ITCH: variants seen among roughly 807,000 people sequenced by gnomAD.
ITCH encodes E3 ubiquitin-protein ligase Itchy homolog.
ITCH carries 28 observed loss-of-function variants against 126.8 expected under a neutral mutation model. That is an observed-to-expected ratio of 0.22 (90% confidence interval 0.16 to 0.30). ITCH has a LOEUF of 0.30. Ranked by LOEUF, ITCH falls within the 10% of genes least tolerant of loss-of-function variation. The pLI is 1.00. For missense variants in ITCH, 631 were observed against 1,032.4 expected (o/e 0.61, Z 5.33); for synonymous variants, 342 against 340.0 (o/e 1.01, Z -0.06).
intron 23 of ITCH, among the ~76,000 whole-genome samples, chr20:34,498,577 A>G (rs781689443): frequency 7.9e-5 from 12 of 152,190 alleles, no homozygotes; most frequent in Middle Eastern, 3.2e-3. Context: ...TTCTGCATCT[A>G]TTGAGAAGAT....
At chr20:34,386,757 G>C (rs554092388) in intron 2 of ITCH, among the ~76,000 whole-genome samples, 1 of 152,234 alleles carries the variant, frequency 6.6e-6, no homozygotes, top group South Asian at 2.1e-4. Flanking sequence ...ACAATATCCT[G>C]TTTAATAATT....
intron 4 of ITCH, among the ~76,000 whole-genome samples, chr20:34,409,360 T>G (rs1464494793): frequency 2.0e-5 from 3 of 151,794 alleles, no homozygotes; most frequent in African/African-American, 7.3e-5. Flanking sequence ...GCCTGGCCAG[T>G]TTTTTAGTAT....
chr20:34,496,587 C>T (rs1226831127), intron 23 of ITCH, among the ~76,000 whole-genome samples: 1 of 152,020 alleles, frequency 6.6e-6, no homozygotes, highest in African/African-American at 2.4e-5. Context: ...GGGTGGATCA[C>T]CTGAGGTCGG....
At chr20:34,409,919 CTT>C (rs886811704) in intron 4 of ITCH, among the ~76,000 whole-genome samples, 4 of 151,910 alleles carry the variant, frequency 2.6e-5, no homozygotes, top group African/African-American at 9.7e-5. Context: ...AATCTCAACT[CTT>C]TGGGAGACTG....
chr20:34,446,576 C>T (rs775828691), intron 11 of ITCH, among the ~76,000 whole-genome samples: 36 of 152,148 alleles, frequency 2.4e-4, no homozygotes, highest in Non-Finnish European at 5.0e-4. Flanking sequence ...TTTCCCCTCC[C>T]AGTGGTTTTA....
Position 34,445,272 on chromosome 20 carries a change from T to TC in ITCH, c.966-15_966-14insC, listed in dbSNP as rs1337714712. ...GTTGAATTAGCTTGTTTTTTTTTTT[T>TC]TTTTTCTGATTTAGCTGGGAACGGC... On this transcript the variant is annotated splice_polypyrimidine_tract_variant and intron_variant, in intron 10 of 24. Coordinates refer to ENST00000374864, the MANE Select transcript of ITCH (RefSeq NM_031483.7). 2.5e-6 allele frequency: 4 copies of TC among 1,597,360 alleles called. No individual in the cohort carries two copies. In the African/African-American group the frequency reaches 4.1e-5, roughly 16 times the overall value.
intron 14 of ITCH, among the ~76,000 whole-genome samples, chr20:34,468,438 A>G (rs1047510489): frequency 1.3e-5 from 2 of 152,144 alleles, no homozygotes; most frequent in Non-Finnish European, 2.9e-5. Context: ...AAGGATATCT[A>G]CTGTCATTAC....
chr20:34,493,203 GAGAAGTTAAGATCCCAA>G (rs944495223), intron 23 of ITCH, among the ~76,000 whole-genome samples: 1 of 152,200 alleles, frequency 6.6e-6, no homozygotes, highest in African/African-American at 2.4e-5. Flanking sequence ...AGGATACACA[GAGAAGTTAAGATCCCAA>G]AGCCTGCTTC....
intron 16 of ITCH, among the ~76,000 whole-genome samples, chr20:34,472,515 TAAAATG>T (rs751438538): frequency 4.4e-4 from 67 of 152,160 alleles, no homozygotes; most frequent in Non-Finnish European, 9.0e-4. Flanking sequence ...AAAAATGTCT[TAAAATG>T]AAAACATCTG....
At chr20:34,507,278 T>TG (rs1990685593) in intron 24 of ITCH, among the ~76,000 whole-genome samples, 1 of 88,586 alleles carries the variant, frequency 1.1e-5, no homozygotes, top group Non-Finnish European at 2.6e-5. Flanking sequence ...TTTTTTTTTT[T>TG]TTTTTTTTTT....
At chr20:34,464,039 A>G (rs1371571890) in intron 14 of ITCH, among the ~76,000 whole-genome samples, 1 of 151,960 alleles carries the variant, frequency 6.6e-6, no homozygotes, top group Non-Finnish European at 1.5e-5. Context: ...CAGTGGCACA[A>G]TCTCGGCTCA....
intron 10 of ITCH, among the ~76,000 whole-genome samples, chr20:34,444,245 A>G (rs1200958255): frequency 6.6e-6 from 1 of 152,174 alleles, no homozygotes; most frequent in Non-Finnish European, 1.5e-5. Flanking sequence ...TTTATTTAGA[A>G]CATTTGTATC....
intron 10 of ITCH, among the ~76,000 whole-genome samples, chr20:34,444,908 C>T (rs1283891964): frequency 1.3e-5 from 2 of 152,184 alleles, no homozygotes; most frequent in African/African-American, 4.8e-5. Flanking sequence ...TCCCAAAGTG[C>T]TAGGATCACA....
chr20:34,489,188 T>G, intron 20 of ITCH, 78 bp from the exon 21 acceptor site: 1 of 1,285,812 alleles, frequency 7.8e-7, no homozygotes, highest in Non-Finnish European at 1.1e-6. Flanking sequence ...TTATAATTTT[T>G]TAAAATTTAT....
At chr20:34,474,563 C>G (rs1016989138) in intron 16 of ITCH, among the ~76,000 whole-genome samples, 4 of 152,260 alleles carry the variant, frequency 2.6e-5, no homozygotes, top group Admixed American at 2.6e-4. Flanking sequence ...ATGTATACTT[C>G]TTTCTGCACA....
chr20:34,436,544 C>T (rs1457377805), intron 7 of ITCH, among the ~76,000 whole-genome samples: 1 of 152,212 alleles, frequency 6.6e-6, no homozygotes, highest in Admixed American at 6.5e-5. Context: ...CCATGTTCTG[C>T]AGGTAGTCAA....
intron 3 of ITCH, among the ~76,000 whole-genome samples, chr20:34,406,605 G>T (rs1278101942): frequency 6.6e-6 from 1 of 151,438 alleles, no homozygotes; most frequent in Admixed American, 6.6e-5. Flanking sequence ...CGCAATCGCG[G>T]CTCACTGCAA....
chr20:34,471,960 A>G (rs1987673552), intron 16 of ITCH, among the ~76,000 whole-genome samples: 2 of 152,182 alleles, frequency 1.3e-5, no homozygotes, highest in South Asian at 4.1e-4. Context: ...TTGGATTTTT[A>G]CAATAAGCGT....
intron 6 of ITCH, chr20:34,417,263 A>G (rs1980023185): frequency 1.9e-6 from 1 of 531,968 alleles, no homozygotes; most frequent in Non-Finnish European, 3.4e-6. Flanking sequence ...CGCCTGGCTA[A>G]TTTTGTATTT....
Sources: allele counts gnomAD v4.1 joint callset (sites outside exome capture counted in the v4.1 genomes callset), GRCh38; gene constraint gnomAD v4.1.1; transcripts MANE v1.5; gene names NCBI Gene and HGNC (gene_info 2026-07-23, HGNC 2026-07-21).